Variants in CCDC150 observed in about 807,000 individuals in gnomAD.
The protein encoded by CCDC150 is coiled-coil domain containing 150, also known as coiled-coil domain-containing protein 150.
In CCDC150, 151 loss-of-function variants were observed where a neutral mutation model predicts 156.5. The observed-to-expected ratio is 0.97, with a 90% CI of 0.85 to 1.10. The LOEUF is 1.10. Among genes scored for constraint, CCDC150 ranks in the 50% least tolerant of loss-of-function variants. The pLI, the probability that CCDC150 is intolerant of heterozygous loss-of-function variation, is 0.00. For missense variants in CCDC150, 1,312 were observed against 1,268.1 expected, an observed-to-expected ratio of 1.03 and a Z score of -0.53; for synonymous variants, 452 against 429.4, an observed-to-expected ratio of 1.05 and a Z score of -0.65.
At chr2:196,659,863 A>T (rs563901773) in intron 5 of CCDC150, among the ~76,000 whole-genome samples, 1 of 152,302 alleles carries the variant, frequency 6.6e-6, no homozygotes, top group East Asian at 1.9e-4. Flanking sequence ...TTCACTATTC[A>T]TCATGCTGTA....
Position 196,656,948 on chromosome 2 carries a change from G to C in CCDC150, c.398-10G>C, listed in dbSNP as rs192386368. The C allele has an allele frequency of 2.5e-6, 4 of 1,612,704 alleles. No individual in the cohort carries two copies. The highest frequency in any genetic ancestry group is 1.7e-6 in the Non-Finnish European group (2 of 1,179,338). ...CTGCTGCTTGATGCCCCTCCTGTGC[G>C]GTCTGGTAGCTTTTCTGAAAGATCG... On this transcript the variant is annotated splice_polypyrimidine_tract_variant and intron_variant, in intron 3 of 27. Coordinates refer to ENST00000389175, the MANE Select transcript of CCDC150 (RefSeq NM_001080539.2).
At chr2:196,715,037 G>T (rs973103303) in intron 17 of CCDC150, among the ~76,000 whole-genome samples, 1 of 152,104 alleles carries the variant, frequency 6.6e-6, no homozygotes, top group Non-Finnish European at 1.5e-5. Flanking sequence ...ATCCTCCTTT[G>T]TTACCGTTGG....
rs1693220522 is a variant in CCDC150 at position 196,656,792 on chromosome 2, G to A, written c.336G>A (p.Gln112=). Residue 112 remains glutamine (Q), a synonymous_variant, in exon 3 of 28, where the codon CAG becomes CAA. Coordinates refer to ENST00000389175, the MANE Select transcript of CCDC150 (RefSeq NM_001080539.2). ...NRMCRLESLM[Q]SLKMNIFRLQ... ...TGTGCCGTCTTGAAAGCCTCATGCA[G>A]TCCTTGAAGATGAACATCTTTCGGC... 6.2e-7 allele frequency: 1 copy of A among 1,613,784 alleles called. No individual in the cohort carries two copies. Among genetic ancestry groups the A allele is most frequent in the Non-Finnish European group, 8.5e-7 (1 of 1,179,844 alleles).
At chr2:196,671,626 A>G (rs1694212692) in intron 8 of CCDC150, among the ~76,000 whole-genome samples, 1 of 151,862 alleles carries the variant, frequency 6.6e-6, no homozygotes, top group East Asian at 1.9e-4. Flanking sequence ...ATGGGGTTTC[A>G]GCATGTTAGC....
intron 16 of CCDC150, 116 bp from the exon 17 acceptor site, chr2:196,712,561 C>A: frequency 1.5e-6 from 1 of 666,634 alleles, no homozygotes; most frequent in Non-Finnish European, 2.6e-6. Flanking sequence ...TATTACTGAA[C>A]ATTCATAGGG....
At chr2:196,713,496 G>A (rs571692203) in intron 17 of CCDC150, 77 of 1,550,688 alleles carry the variant, frequency 5.0e-5, no homozygotes, top group African/African-American at 9.6e-5. Flanking sequence ...TCTACACGCC[G>A]TGTGAGCTTT....
At position 196,723,920 on chromosome 2, in the gene CCDC150, T is replaced by C. The variant is rs904050289; in HGVS notation, c.2430-2053T>C. 5.3e-5 allele frequency among the ~76,000 whole-genome samples: 8 copies of C among 152,176 alleles called. No individual in the cohort carries two copies. The South Asian group carries it at 6.2e-4, about 12-fold the overall frequency. On this transcript the variant is annotated intron_variant, in intron 21 of 27. Coordinates refer to ENST00000389175, the MANE Select transcript of CCDC150 (RefSeq NM_001080539.2). ...CTCAAGAGCATAACATGAAGAAAAG[T>C]TATTCTGCTGCTGCCCTGTTTTTAG... is the stretch of plus-strand genomic sequence containing the variant.
At chr2:196,667,041 G>A (rs958834010) in intron 7 of CCDC150, 193 bp downstream of exon 7, 5 of 602,614 alleles carry the variant, frequency 8.3e-6, no homozygotes, top group Admixed American at 3.0e-5. Flanking sequence ...TAATATATTT[G>A]ACCCTGTTAA....
chr2:196,730,467 C>A (rs1356856738), intron 25 of CCDC150, among the ~76,000 whole-genome samples: 2 of 152,168 alleles, frequency 1.3e-5, no homozygotes, highest in Non-Finnish European at 2.9e-5. Context: ...ACACCTGTTG[C>A]TATTACAGGA....
chr2:196,697,446 A>G (rs968402088), intron 14 of CCDC150, among the ~76,000 whole-genome samples: 4 of 152,046 alleles, frequency 2.6e-5, no homozygotes, highest in African/African-American at 9.7e-5. Flanking sequence ...AGTTTGAATG[A>G]TTTTCCTCCC....
rs1692522024 is a variant in CCDC150, at chr2:196,646,129, T to C, written c.13-212T>C. On this transcript the variant is annotated intron_variant, in intron 1 of 27. Coordinates refer to ENST00000389175, the MANE Select transcript of CCDC150 (RefSeq NM_001080539.2). ...CCTGGAGAAAGTCCTACCTGGGATGTTGCTCATCTCATAGGGGAGGGAAAA... is the reference window on the plus strand; with the variant it reads ...CCTGGAGAAAGTCCTACCTGGGATGCTGCTCATCTCATAGGGGAGGGAAAA... Among the ~76,000 whole-genome samples, 6 of 152,172 alleles carry C rather than the reference T, an allele frequency of 3.9e-5. No individual in the cohort carries two copies. The South Asian group carries it at 1.2e-3, about 32-fold the overall frequency.
intron 4 of CCDC150, among the ~76,000 whole-genome samples, chr2:196,657,774 A>G (rs1693308766): frequency 6.6e-6 from 1 of 152,216 alleles, no homozygotes; most frequent in African/African-American, 2.4e-5. Context: ...TAATCTTTGC[A>G]AAATCTTGTG....
At chr2:196,685,259 T>C (rs1306218461) in intron 13 of CCDC150, among the ~76,000 whole-genome samples, 1 of 152,234 alleles carries the variant, frequency 6.6e-6, no homozygotes, top group Non-Finnish European at 1.5e-5. Flanking sequence ...CTACCTTTTA[T>C]ATACACCTAT....
At chr2:196,731,902 A>G (rs1221602893) in intron 26 of CCDC150, 131 bp from the exon 27 acceptor site, 3 of 742,982 alleles carry the variant, frequency 4.0e-6, no homozygotes. Context: ...TATTATGCAA[A>G]TAGGTTGTGA....
intron 21 of CCDC150, among the ~76,000 whole-genome samples, chr2:196,723,853 G>T (rs58883521): frequency 6.6e-6 from 1 of 152,072 alleles, no homozygotes; most frequent in Non-Finnish European, 1.5e-5. Context: ...GGAAAGGCAG[G>T]CAAAGAGGAC....
chr2:196,719,308 G>C (rs963310482), intron 18 of CCDC150, 189 bp from the exon 19 acceptor site: 56 of 431,490 alleles, frequency 1.3e-4, no homozygotes, highest in East Asian at 2.8e-4. Flanking sequence ...CTGGGGATCA[G>C]CTTTTCTTTT....
intron 1 of CCDC150, 76 bp downstream of exon 1, chr2:196,639,854 C>A: frequency 1.5e-6 from 2 of 1,307,000 alleles, no homozygotes; most frequent in East Asian, 2.7e-5. Flanking sequence ...AGGACAGTCA[C>A]CACTCCCTGG....
intron 16 of CCDC150, 22 bp from the exon 17 acceptor site, chr2:196,712,655 A>G: frequency 1.3e-6 from 2 of 1,592,168 alleles, no homozygotes; most frequent in Non-Finnish European, 1.7e-6. Flanking sequence ...AGGAACAAGT[A>G]TCTTTGTTTT....
chr2:196,669,950 G>A, intron 8 of CCDC150, 74 bp downstream of exon 8: 5 of 1,088,128 alleles, frequency 4.6e-6, no homozygotes, highest in Non-Finnish European at 6.8e-6. Context: ...CTTCCATGTT[G>A]GCTTACAGTG....
Sources: allele counts gnomAD v4.1 joint callset (sites outside exome capture counted in the v4.1 genomes callset), GRCh38; gene constraint gnomAD v4.1.1; transcripts MANE v1.5; gene names NCBI Gene and HGNC (gene_info 2026-07-23, HGNC 2026-07-21).